SEMA3E: variants seen among roughly 807,000 people sequenced by gnomAD.
SEMA3E encodes the protein semaphorin-3E.
SEMA3E carries 49 observed loss-of-function variants against 93.6 expected under a neutral mutation model. The ratio of observed to expected loss-of-function variants is 0.52; its 90% CI spans 0.42 to 0.66. The LOEUF (loss-of-function observed/expected upper bound fraction) is 0.66. SEMA3E is among the 30% of genes least tolerant of loss of function. SEMA3E has a pLI of 0.00. For synonymous variants in SEMA3E, 363 were observed against 330.7 expected, an observed-to-expected ratio of 1.10 and a Z score of -1.06; for missense variants, 906 against 964.8, an observed-to-expected ratio of 0.94 and a Z score of 0.81.
chr7:83,557,018 C>T (rs1278976184), intron 1 of SEMA3E, among the ~76,000 whole-genome samples: 1 of 152,124 alleles, frequency 6.6e-6, no homozygotes, highest in Non-Finnish European at 1.5e-5. Flanking sequence ...AACTAAGAAA[C>T]AAATTCATGT....
chr7:83,513,677 G>T (rs79473871), intron 1 of SEMA3E, among the ~76,000 whole-genome samples: 1 of 152,070 alleles, frequency 6.6e-6, no homozygotes, highest in Admixed American at 6.5e-5. Flanking sequence ...ACATACAAGA[G>T]AAATGATTTT....
At chr7:83,539,855 CTG>C (rs59200828) in intron 1 of SEMA3E, among the ~76,000 whole-genome samples, 2,790 of 122,710 alleles carry the variant, frequency 0.023, 89 homozygotes, top group African/African-American at 0.075. Flanking sequence ...TTTGTTGTTT[CTG>C]TGTGTGTGTG....
At chr7:83,458,949 GTATA>G (rs572233832) in intron 4 of SEMA3E, among the ~76,000 whole-genome samples, 51 of 86,658 alleles carry the variant, frequency 5.9e-4, no homozygotes, top group African/African-American at 1.7e-3. Flanking sequence ...ATACACATAT[GTATA>G]TGTGTGTGTG....
chr7:83,564,436 A>C (rs1211102434), intron 1 of SEMA3E, among the ~76,000 whole-genome samples: 1 of 151,590 alleles, frequency 6.6e-6, no homozygotes, highest in African/African-American at 2.4e-5. Context: ...GAAAAAAAAA[A>C]TCTTGAAAAC....
chr7:83,573,817 T>A (rs1394495717), intron 1 of SEMA3E, among the ~76,000 whole-genome samples: 1 of 151,918 alleles, frequency 6.6e-6, no homozygotes, highest in Non-Finnish European at 1.5e-5. Context: ...ACTATACTCT[T>A]CTTGGATATT....
In SEMA3E at chr7:83,435,612, T is replaced by G. The variant is rs187978139; in HGVS notation, c.457-17129A>C. Among the ~76,000 whole-genome samples the G allele has an allele frequency of 8.5e-3, 1,294 of 151,752 alleles. 12 individuals are homozygous for G. Among genetic ancestry groups the G allele is most frequent in the South Asian group, 0.035 (171 of 4,830 alleles). On this transcript the variant is annotated intron_variant, in intron 4 of 16. Coordinates refer to ENST00000643230, the MANE Select transcript of SEMA3E (RefSeq NM_012431.3). ...CTCCGTCCAAAAAAAATAAAATAAA[T>G]AAAGAAAGAAAGAAAAGAAAAAAGA...
At chr7:83,491,219 C>T (rs1191465779) in intron 1 of SEMA3E, among the ~76,000 whole-genome samples, 1 of 152,046 alleles carries the variant, frequency 6.6e-6, no homozygotes, top group Non-Finnish European at 1.5e-5. Flanking sequence ...GCACTGTGCC[C>T]ACTCTTACAC....
intron 1 of SEMA3E, among the ~76,000 whole-genome samples, chr7:83,533,514 G>T (rs917291227): frequency 6.6e-6 from 1 of 151,862 alleles, no homozygotes; most frequent in African/African-American, 2.4e-5. Context: ...ATTGCACTAC[G>T]GCCTGGGCGA....
intron 1 of SEMA3E, among the ~76,000 whole-genome samples, chr7:83,568,718 GC>G (rs1792213307): frequency 6.6e-6 from 1 of 151,998 alleles, no homozygotes. Flanking sequence ...GAAGAAATAT[GC>G]CTCAACATAA....
At position 83,390,058 on chromosome 7, in the gene SEMA3E, TGCAC is replaced by T. The variant is rs1264694363; in HGVS notation, c.1667+2493_1667+2496del. ...ATACACATATATGCGCGTATACGTG[TGCAC>T]ATATATGCGCGTATACGTGTGCACA... On this transcript the variant is annotated intron_variant, in intron 14 of 16. Coordinates refer to ENST00000643230, the MANE Select transcript of SEMA3E (RefSeq NM_012431.3). Among the ~76,000 whole-genome samples, 952 of 140,284 alleles carry T rather than the reference TGCAC, an allele frequency of 6.8e-3. 40 individuals carry two copies. Among genetic ancestry groups the T allele is most frequent in the Middle Eastern group, 0.02 (5 of 252 alleles). The allele number at this position is 140,284 out of a possible 152,430, so 92.0% of individuals were successfully genotyped here.
intron 1 of SEMA3E, among the ~76,000 whole-genome samples, chr7:83,568,760 A>G (rs1372381977): frequency 6.6e-6 from 1 of 152,106 alleles, no homozygotes; most frequent in Non-Finnish European, 1.5e-5. Context: ...TCCACAGCTA[A>G]TATCTTACAG....
intron 16 of SEMA3E, among the ~76,000 whole-genome samples, chr7:83,369,630 T>C (rs1307394948): frequency 1.3e-5 from 2 of 152,190 alleles, no homozygotes; most frequent in Non-Finnish European, 2.9e-5. Context: ...AGCCATTAAC[T>C]GGAGAGTGAA....
At chr7:83,492,224 G>A (rs1790400999) in intron 1 of SEMA3E, among the ~76,000 whole-genome samples, 1 of 151,870 alleles carries the variant, frequency 6.6e-6, no homozygotes, top group Non-Finnish European at 1.5e-5. Flanking sequence ...GGAAATAAGA[G>A]AAAGTCATGA....
chr7:83,581,110 C>G (rs1470147620), intron 1 of SEMA3E, among the ~76,000 whole-genome samples: 1 of 151,930 alleles, frequency 6.6e-6, no homozygotes, highest in Non-Finnish European at 1.5e-5. Flanking sequence ...AAAAGTCATT[C>G]TATATGGTAA....
chr7:83,509,448 GAC>G (rs898512349), intron 1 of SEMA3E, among the ~76,000 whole-genome samples: 4 of 152,146 alleles, frequency 2.6e-5, no homozygotes, highest in Admixed American at 1.3e-4. Flanking sequence ...GAGGCAACGA[GAC>G]ACACTCTGTG....
chr7:83,610,013 A>G (rs1366185883), intron 1 of SEMA3E, among the ~76,000 whole-genome samples: 1 of 152,072 alleles, frequency 6.6e-6, no homozygotes, highest in East Asian at 1.9e-4. Context: ...AAATCAAAAT[A>G]TTTCTGGAAA....
At chr7:83,628,765 C>T (rs1374852897) in intron 1 of SEMA3E, among the ~76,000 whole-genome samples, 1 of 152,082 alleles carries the variant, frequency 6.6e-6, no homozygotes, top group African/African-American at 2.4e-5. Flanking sequence ...TTATTACCCA[C>T]CTTCTGAAGC....
chr7:83,368,577 A>C (rs1584195782), intron 16 of SEMA3E, among the ~76,000 whole-genome samples: 1 of 152,248 alleles, frequency 6.6e-6, no homozygotes, highest in East Asian at 1.9e-4. Context: ...TTCATCAGTT[A>C]ATCAGTTCAG....
chr7:83,526,914 G>C (rs1791172140), intron 1 of SEMA3E, among the ~76,000 whole-genome samples: 1 of 152,114 alleles, frequency 6.6e-6, no homozygotes, highest in South Asian at 2.1e-4. Flanking sequence ...GTCCCTGTTG[G>C]AGGTTAATTG....
Sources: allele counts gnomAD v4.1 joint callset (sites outside exome capture counted in the v4.1 genomes callset), GRCh38; gene constraint gnomAD v4.1.1; transcripts MANE v1.5; gene names NCBI Gene and HGNC (gene_info 2026-07-23, HGNC 2026-07-21).